The following COL11A2 variants were observed in gnomAD, a reference collection of about 807,000 sequenced individuals.
The protein encoded by COL11A2 is collagen alpha-2(XI) chain.
In COL11A2, 116 loss-of-function variants were observed where a neutral mutation model predicts 273.4. The ratio of observed to expected loss-of-function variants is 0.42; its 90% CI spans 0.36 to 0.49. The LOEUF (loss-of-function observed/expected upper bound fraction) is 0.49. Among genes scored for constraint, COL11A2 ranks in the 20% least tolerant of loss-of-function variants. COL11A2 has a pLI of 0.00. For synonymous variants in COL11A2, 782 were observed against 864.2 expected, an observed-to-expected ratio of 0.90 and a Z score of 1.67; for missense variants, 1,866 against 2,309.0, an observed-to-expected ratio of 0.81 and a Z score of 3.93.
Position 33,174,522 on chromosome 6 carries a change from A to G in COL11A2, c.2430+5T>C. The G allele has an allele frequency of 6.2e-7, 1 of 1,612,548 alleles. No homozygotes were observed. Among genetic ancestry groups the G allele is most frequent in the Admixed American group, 1.7e-5 (1 of 59,960 alleles). On this transcript the variant is annotated splice_donor_5th_base_variant and intron_variant, in intron 31 of 65. Transcript: ENST00000341947. ...AGGAGGGGCACGTATGGGGCATGGCATCACCTTGGGTCCCTGACGTCCAGG... is the reference window on the plus strand; with the variant it reads ...AGGAGGGGCACGTATGGGGCATGGCGTCACCTTGGGTCCCTGACGTCCAGG...
At position 33,183,772 on chromosome 6, in the gene COL11A2, A is replaced by T. The variant is rs182458043; in HGVS notation, c.1119+373T>A. Among the ~76,000 whole-genome samples, 257 of 152,368 alleles carry T rather than the reference A, an allele frequency of 1.7e-3. 2 individuals are homozygous for T. Among genetic ancestry groups the T allele is most frequent in the African/African-American group, 5.9e-3 (246 of 41,590 alleles). Reference sequence around the variant, plus strand: ...ACATGAACAAAAAATTATTTCACCAAGAAGAAATGATAGAGAAACACTGAA... The same window carrying T: ...ACATGAACAAAAAATTATTTCACCATGAAGAAATGATAGAGAAACACTGAA... On this transcript the variant is annotated intron_variant, in intron 8 of 65. Transcript: ENST00000341947.
At position 33,184,321 on chromosome 6, in the gene COL11A2, G is replaced by C; in HGVS notation, c.943C>G (p.Gln315Glu). 9.5e-6 allele frequency: 13 copies of C among 1,366,634 alleles called. No individual in the cohort carries two copies. The highest frequency in any genetic ancestry group is 1.3e-5 in the Non-Finnish European group (13 of 1,021,208). The allele number at this position is 1,366,634 out of a possible 1,614,324, so 84.7% of individuals were successfully genotyped here. Residue 315 changes from glutamine to glutamate, a missense_variant, in exon 8 of 66, where the codon CAG becomes GAG. Transcript: ENST00000341947. ...GTGGGGGGGACCTGGAGATCTGTCT[G>C]CTCCTTCCCAGGGATGGGGAGGGAG... is the stretch of plus-strand genomic sequence containing the variant. ...SSLLPPLEEEQTDLQVPPTAD... is the reference protein window; with the variant it reads ...SSLLPPLEEEETDLQVPPTAD...
Position 33,166,330 on chromosome 6 carries a change from G to A in COL11A2, c.4393-124C>T. ...TTACTACAGGAGGGGCAGTCTTGTG[G>A]GAATACTAGGACATTCAGAGCCCTG... is the stretch of plus-strand genomic sequence containing the variant. On this transcript the variant is annotated intron_variant, in intron 60 of 65. Coordinates refer to ENST00000341947, the MANE Select transcript of COL11A2 (RefSeq NM_080680.3). This position sits in a 1 kb window ranked among gnomAD's most constrained non-coding sequence, Gnocchi z 4.8. 7.6e-7 allele frequency: 1 copy of A among 1,308,722 alleles called. No individual in the cohort carries two copies. Among genetic ancestry groups the A allele is most frequent in the Non-Finnish European group, 1.1e-6 (1 of 951,186 alleles). 81.1% of individuals were successfully genotyped at this position (1,308,722 alleles called of 1,614,324 possible). A position where few individuals can be genotyped will look rare whatever the true frequency, so the allele number is the denominator to read the frequency against.
At chr6:33,187,811 T>G (rs1772613967) in intron 4 of COL11A2, among the ~76,000 whole-genome samples, 1 of 123,568 alleles carries the variant, frequency 8.1e-6, no homozygotes, top group South Asian at 2.4e-4. Flanking sequence ...GGTGGCTGAA[T>G]GGATGCATGC....
rs1205966453 is a variant in COL11A2 at position 33,166,794 on chromosome 6, G to A, written c.4264C>T (p.Pro1422Ser). 3 of 1,613,448 alleles carry A rather than the reference G, an allele frequency of 1.9e-6. No homozygotes were observed. The highest frequency in any genetic ancestry group is 4.5e-5 in the East Asian group (2 of 44,878). ...TCTCCCTTCTCTCCCTGCTCACCCG[G>A]GGGCCCAATCAGTCCAATGAGACCT... ...HPGLIGLIGP[P>S]GEQGEKGDRG... The change falls in exon 59 of 66, where the codon CCG becomes TCG. Residue 1422 changes from proline to serine, a missense_variant. Transcript: ENST00000341947. The surrounding 1 kb of genome is among the most constrained non-coding windows in gnomAD (Gnocchi z 4.8).
rs1371949837 is a variant in COL11A2 at position 33,169,605 on chromosome 6, A to G, written c.3691-115T>C. 6 of 1,150,618 alleles carry G rather than the reference A, an allele frequency of 5.2e-6. No individual in the cohort carries two copies. In the Admixed American group the frequency reaches 5.7e-5, roughly 11 times the overall value. 71.3% of individuals were successfully genotyped at this position (1,150,618 alleles called of 1,614,324 possible). A position where few individuals can be genotyped will look rare whatever the true frequency, so the allele number is the denominator to read the frequency against. Reference sequence around the variant, plus strand: ...CTACTCCCCTCAGTGACAATGGGACATACACAGAAAGTCAAGCCTACAAGG... The same window carrying G: ...CTACTCCCCTCAGTGACAATGGGACGTACACAGAAAGTCAAGCCTACAAGG... On this transcript the variant is annotated intron_variant, in intron 50 of 65. Transcript: ENST00000341947. The surrounding 1 kb of genome is among the most constrained non-coding windows in gnomAD (Gnocchi z 5.5).
At position 33,188,526 on chromosome 6, in the gene COL11A2, T is replaced by C; in HGVS notation, c.444-2A>G. 1 of 1,612,916 alleles carries C rather than the reference T, an allele frequency of 6.2e-7. No homozygotes were observed. Among genetic ancestry groups the C allele is most frequent in the Non-Finnish European group, 8.5e-7 (1 of 1,179,972 alleles). ...ACAGCCACAGCCACACGGTGCCACC[T>C]GGAAATGGTGGAAGAGGTTCAAGTG... On this transcript the variant is annotated splice_acceptor_variant, in intron 3 of 65. Coordinates refer to ENST00000341947, the MANE Select transcript of COL11A2 (RefSeq NM_080680.3). LOFTEE classifies it high-confidence loss of function.
chr6:33,177,775 G>A lies in COL11A2; in HGVS notation c.1873-69C>T, dbSNP rs935141071. 6.4e-7 allele frequency: 1 copy of A among 1,558,670 alleles called. No individual in the cohort carries two copies. Among genetic ancestry groups the A allele is most frequent in the African/African-American group, 1.4e-5 (1 of 73,836 alleles). On this transcript the variant is annotated intron_variant, in intron 21 of 65. Transcript: ENST00000341947. The surrounding 1 kb of genome is among the most constrained non-coding windows in gnomAD (Gnocchi z 5.9). ...GGGACCTGTGGTTTTCAGAGGCCCG[G>A]CCATTCCCGAGGGTGTGACGGTCAG...
Position 33,189,172 on chromosome 6 carries a change from A to G in COL11A2, c.249T>C (p.Asp83=). ...TCCGGACAACAGTCAGCAGAGAGAA[A>G]TCTTTGGGAAATCCTCCTAGTAACC... ...RQLFPGGFPK[D]FSLLTVVRTR... Residue 83 remains aspartate (D), a synonymous_variant, in exon 3 of 66, where the codon GAT becomes GAC. Coordinates refer to ENST00000341947, the MANE Select transcript of COL11A2 (RefSeq NM_080680.3). This position sits in a 1 kb window ranked among gnomAD's most constrained non-coding sequence, Gnocchi z 5.6. 6.2e-7 allele frequency: 1 copy of G among 1,613,906 alleles called. No homozygotes were observed. The highest frequency in any genetic ancestry group is 8.5e-7 in the Non-Finnish European group (1 of 1,179,884).
intron 29 of COL11A2, 30 bp from the exon 30 acceptor site, chr6:33,175,711 T>C: frequency 1.3e-6 from 2 of 1,598,186 alleles, no homozygotes; most frequent in Non-Finnish European, 1.7e-6. Flanking sequence ...AGGTGAGTGC[T>C]GGGGACTGGA....
chr6:33,193,427 C>A (rs1395948048), upstream of COL11A2, among the ~76,000 whole-genome samples: 20 of 144,850 alleles, frequency 1.4e-4, no homozygotes, highest in Admixed American at 2.7e-4. Context: ...CCCTCTCCCC[C>A]CCTCCCCGAC....
rs746597318 is a variant in COL11A2 at position 33,169,849 on chromosome 6, C to T, written c.3672G>A (p.Gln1224=). The part of the protein sequence containing the change: ...EPGESGSPGI[Q]GEPGVKGPRG... ...CACTCACCTTGACACCTGGCTCGCC[C>T]TGGATCCCTGGAGATCCTGACTCTC... is the stretch of plus-strand genomic sequence containing the variant. The change falls in exon 50 of 66, where the codon CAG becomes CAA. Residue 1224 remains glutamine (Q), a synonymous_variant. Coordinates refer to ENST00000341947, the MANE Select transcript of COL11A2 (RefSeq NM_080680.3). This position sits in a 1 kb window ranked among gnomAD's most constrained non-coding sequence, Gnocchi z 5.5. 6.2e-7 allele frequency: 1 copy of T among 1,614,128 alleles called. No homozygotes were observed. The highest frequency in any genetic ancestry group is 8.5e-7 in the Non-Finnish European group (1 of 1,179,998).
In COL11A2 at chr6:33,189,627, T is replaced by C. The variant is rs1340086899; in HGVS notation, c.83-158A>G. Among the ~76,000 whole-genome samples, 1 of 152,154 alleles carries C rather than the reference T, an allele frequency of 6.6e-6. No individual in the cohort carries two copies. The highest frequency in any genetic ancestry group is 1.5e-5 in the Non-Finnish European group (1 of 68,022). On this transcript the variant is annotated intron_variant, in intron 1 of 65. Transcript: ENST00000341947. This position sits in a 1 kb window ranked among gnomAD's most constrained non-coding sequence, Gnocchi z 5.6. ...TGCTTCTGAACAGTACCTGAATGGA[T>C]GGGAAATGCAAAGGTACCTGGAGGC...
chr6:33,167,117 G>C lies in COL11A2; in HGVS notation c.4183C>G (p.Pro1395Ala). 6.2e-7 allele frequency: 1 copy of C among 1,614,108 alleles called. No homozygotes were observed. The highest frequency in any genetic ancestry group is 8.5e-7 in the Non-Finnish European group (1 of 1,179,994). ...QAGPPGPVGP[P>A]GLPGLRGDAG... is the part of the protein sequence containing the mutation. ...TCGCCCCGGAGACCAGGCAGCCCTG[G>C]GGGTCCCTGTGGAGAGATGGGAAGT... is the stretch of plus-strand genomic sequence containing the variant. The change falls in exon 58 of 66, where the codon CCA becomes GCA. Residue 1395 changes from proline (P) to alanine (A), a missense_variant. Transcript: ENST00000341947. The surrounding 1 kb of genome is among the most constrained non-coding windows in gnomAD (Gnocchi z 6.1).
Position 33,179,052 on chromosome 6 carries a change from A to T in COL11A2, c.1611+21T>A. 1.9e-6 allele frequency: 3 copies of T among 1,613,716 alleles called. No individual in the cohort carries two copies. Among genetic ancestry groups the T allele is most frequent in the Non-Finnish European group, 2.5e-6 (3 of 1,179,798 alleles). Reference sequence around the variant, plus strand: ...CAGGCCCTGTCTCCCCACAACACCCATCCACCCCTGGGGCACTCACCCTTC... The same window carrying T: ...CAGGCCCTGTCTCCCCACAACACCCTTCCACCCCTGGGGCACTCACCCTTC... On this transcript the variant is annotated intron_variant, in intron 16 of 65. Coordinates refer to ENST00000341947, the MANE Select transcript of COL11A2 (RefSeq NM_080680.3). The surrounding 1 kb of genome is among the most constrained non-coding windows in gnomAD (Gnocchi z 6.4).
At position 33,176,494 on chromosome 6, in the gene COL11A2, A is replaced by G. The variant is rs778098198; in HGVS notation, c.2116-8T>C. On this transcript the variant is annotated splice_polypyrimidine_tract_variant and splice_region_variant and intron_variant, in intron 26 of 65. Coordinates refer to ENST00000341947, the MANE Select transcript of COL11A2 (RefSeq NM_080680.3). This position sits in a 1 kb window ranked among gnomAD's most constrained non-coding sequence, Gnocchi z 4.9. Reference sequence around the variant, plus strand: ...CTGAGGTCCAGAGGGACCCTGGAAGATAAAAGAGAGGCATTTATAAAGGGG... The same window carrying G: ...CTGAGGTCCAGAGGGACCCTGGAAGGTAAAAGAGAGGCATTTATAAAGGGG... 3.1e-6 allele frequency: 5 copies of G among 1,611,976 alleles called. No homozygotes were observed. Among genetic ancestry groups the G allele is most frequent in the Non-Finnish European group, 4.2e-6 (5 of 1,179,240 alleles).
Position 33,186,744 on chromosome 6 carries a change from T to C in COL11A2, c.681A>G (p.Glu227=), listed in dbSNP as rs950627447. 6.2e-7 allele frequency: 1 copy of C among 1,614,130 alleles called. No homozygotes were observed. Among genetic ancestry groups the C allele is most frequent in the Non-Finnish European group, 8.5e-7 (1 of 1,180,022 alleles). ...GTCTTTCCCTCTGGCCCCCCTCGCA[T>C]TCCAGCTCCTTCTGTTCACATGATT... The part of the protein sequence containing the change: ...AYESCEQKEL[E]CEGGQRERPQ... The change falls in exon 5 of 66, where the codon GAA becomes GAG. Residue 227 remains glutamate, a synonymous_variant. Coordinates refer to ENST00000341947, the MANE Select transcript of COL11A2 (RefSeq NM_080680.3).
At position 33,168,592 on chromosome 6, in the gene COL11A2, G is replaced by C; in HGVS notation, c.3907-20C>G. The C allele has an allele frequency of 6.2e-7, 1 of 1,613,192 alleles. No individual in the cohort carries two copies. Among genetic ancestry groups the C allele is most frequent in the Non-Finnish European group, 8.5e-7 (1 of 1,179,596 alleles). On this transcript the variant is annotated intron_variant, in intron 53 of 65. Transcript: ENST00000341947. Reference sequence around the variant, plus strand: ...GGATCCCTAGGGAGAGAGGAATTGGGGTGGCTGAGTGTTTATCCTCCAGCC... The same window carrying C: ...GGATCCCTAGGGAGAGAGGAATTGGCGTGGCTGAGTGTTTATCCTCCAGCC...
intron 54 of COL11A2, among the ~76,000 whole-genome samples, chr6:33,168,054 G>A (rs1769439992): frequency 6.6e-6 from 1 of 152,022 alleles, no homozygotes; most frequent in South Asian, 2.1e-4. Flanking sequence ...CTGTACATTT[G>A]GTGAAGGGCC....
Sources: gnomAD v4.1 joint callset for allele counts (sites outside exome capture counted in the v4.1 genomes callset) on GRCh38, gnomAD v4.1.1 for gene constraint, Gnocchi (gnomAD v3.1) non-coding constraint, MANE v1.5 for transcripts, NCBI Gene and HGNC (gene_info 2026-07-23, HGNC 2026-07-21) for gene names.